ERCC6L2: variants seen among roughly 807,000 people sequenced by gnomAD.
ERCC6L2 encodes the protein ERCC excision repair 6 like 2.
A neutral mutation model predicts 132.0 loss-of-function variants in ERCC6L2; 77 were observed. The observed-to-expected ratio is 0.58, with a 90% CI of 0.49 to 0.71. The LOEUF (loss-of-function observed/expected upper bound fraction) is 0.71, where lower values mean the gene tolerates loss of function less well. Ranked by LOEUF, ERCC6L2 falls within the 30% of genes least tolerant of loss-of-function variation. The pLI, the probability that ERCC6L2 is intolerant of heterozygous loss-of-function variation, is 0.00. For synonymous variants in ERCC6L2, 583 were observed against 632.4 expected (o/e 0.92, Z 1.17); for missense variants, 1,542 against 1,837.6 (o/e 0.84, Z 2.94).
chr9:95,940,870 G>GGCTTTCTTTTTTGGAAAAGCCATGGAA (rs1196653098), intron 11 of ERCC6L2, among the ~76,000 whole-genome samples: 1 of 151,916 alleles, frequency 6.6e-6, no homozygotes, highest in Non-Finnish European at 1.5e-5. Context: ...CCTTCAGCTA[G>GGCTTTCTTTTTTGGAAAAGCCATGGAA]GCTTTCTTTT....
At chr9:95,999,937 G>A (rs553817557) in intron 17 of ERCC6L2, among the ~76,000 whole-genome samples, 63 of 150,816 alleles carry the variant, frequency 4.2e-4, no homozygotes, top group African/African-American at 1.5e-3. Context: ...TTGCCAGGCT[G>A]GAGTGCAGTG....
intron 2 of ERCC6L2, among the ~76,000 whole-genome samples, chr9:95,889,369 T>C (rs1204950147): frequency 2.0e-5 from 3 of 152,216 alleles, no homozygotes; most frequent in Admixed American, 2.0e-4. Flanking sequence ...TATTACCTCA[T>C]TTAAATTGTT....
In ERCC6L2 at chr9:95,989,775, A is replaced by G. The variant is rs73536537; in HGVS notation, c.3492+11560A>G. On this transcript the variant is annotated intron_variant, in intron 17 of 18. Coordinates refer to ENST00000653738, the MANE Select transcript of ERCC6L2 (RefSeq NM_020207.7). ...TTTGGTATGTTGTATGAGATGACAT[A>G]AAATCTTAAATCAAGGTGCATACCA... Among the ~76,000 whole-genome samples the G allele has an allele frequency of 2.9e-3, 438 of 152,342 alleles. 3 individuals are homozygous for G. Among genetic ancestry groups the G allele is most frequent in the African/African-American group, 0.01 (428 of 41,576 alleles).
chr9:96,030,119 G>A (rs1434781141), intron 19 of ERCC6L2, among the ~76,000 whole-genome samples: 1 of 152,182 alleles, frequency 6.6e-6, no homozygotes, highest in African/African-American at 2.4e-5. Flanking sequence ...AGTTAGGATT[G>A]TAAAACGCAC....
At chr9:95,877,798 T>C (rs1258948475) in intron 1 of ERCC6L2, among the ~76,000 whole-genome samples, 1 of 151,176 alleles carries the variant, frequency 6.6e-6, no homozygotes, top group Non-Finnish European at 1.5e-5. Context: ...AGAGACACTC[T>C]TGTCTAAAAA....
intron 12 of ERCC6L2, among the ~76,000 whole-genome samples, chr9:95,949,048 A>G (rs1314622788): frequency 6.6e-6 from 1 of 151,146 alleles, no homozygotes; most frequent in Non-Finnish European, 1.5e-5. Flanking sequence ...AGAAAAAAAG[A>G]GAGAGAACCA....
At chr9:95,933,086 T>C (rs1830410324) in intron 11 of ERCC6L2, among the ~76,000 whole-genome samples, 1 of 152,180 alleles carries the variant, frequency 6.6e-6, no homozygotes, top group South Asian at 2.1e-4. Flanking sequence ...CAGAATCTCT[T>C]GGAAGATTGC....
At chr9:95,896,174 C>T (rs1828448860) in intron 2 of ERCC6L2, among the ~76,000 whole-genome samples, 1 of 152,074 alleles carries the variant, frequency 6.6e-6, no homozygotes, top group African/African-American at 2.4e-5. Flanking sequence ...TACCTGAAAA[C>T]ATTCTTTAGT....
intron 11 of ERCC6L2, among the ~76,000 whole-genome samples, chr9:95,931,223 C>T (rs1830324629): frequency 1.3e-5 from 2 of 151,950 alleles, no homozygotes; most frequent in African/African-American, 4.8e-5. Context: ...CGGTCTTTTC[C>T]CCCTCTCAGT....
At chr9:95,949,562 G>C (rs1362581454) in intron 12 of ERCC6L2, among the ~76,000 whole-genome samples, 1 of 149,378 alleles carries the variant, frequency 6.7e-6, no homozygotes, top group East Asian at 2.0e-4. Context: ...TGTATTGGGG[G>C]AAAAAAAAAC....
chr9:95,999,309 C>T lies in ERCC6L2; in HGVS notation c.3493-5211C>T, dbSNP rs1321277643. Among the ~76,000 whole-genome samples, 7 of 151,554 alleles carry T rather than the reference C, an allele frequency of 4.6e-5. No individual in the cohort carries two copies. In the East Asian group the frequency reaches 5.8e-4, roughly 13 times the overall value. ...CCAGGAGGCGGAGCTTGCAGTGAGC[C>T]GAGATCACGCCGCTGCACTCCAGCC... On this transcript the variant is annotated intron_variant, in intron 17 of 18. Coordinates refer to ENST00000653738, the MANE Select transcript of ERCC6L2 (RefSeq NM_020207.7).
At position 95,908,141 on chromosome 9, in the gene ERCC6L2, T is replaced by C. The variant is rs192978966; in HGVS notation, c.788+870T>C. On this transcript the variant is annotated intron_variant, in intron 4 of 18. Coordinates refer to ENST00000653738, the MANE Select transcript of ERCC6L2 (RefSeq NM_020207.7). ...GAAGGACCAATTAAGAGGCTTGTTA[T>C]GTGCTGAATTGTGTCGCTTCTCCTC... Among the ~76,000 whole-genome samples the C allele has an allele frequency of 3.5e-4, 54 of 152,282 alleles. 1 individual carries two copies. Among genetic ancestry groups the C allele is most frequent in the Admixed American group, 3.3e-4 (5 of 15,282 alleles).
At chr9:96,020,764 G>A (rs1210745339), downstream of ERCC6L2, 3 of 456,778 alleles carry the variant, frequency 6.6e-6, no homozygotes, top group African/African-American at 4.0e-5. Context: ...AAACTGTGGG[G>A]ATGGGGAGTG....
chr9:95,915,687 A>C lies in ERCC6L2; in HGVS notation c.808A>C (p.Ile270Leu). Reference protein sequence around the residue: ...ELNSLEWSAVIVDEAHRIKNP... With the variant: ...ELNSLEWSAVLVDEAHRIKNP... ...TTATAGTTTGGAATGGTCAGCTGTCATTGTGGATGAAGCTCATAGAATCAA... is the reference window on the plus strand; with the variant it reads ...TTATAGTTTGGAATGGTCAGCTGTCCTTGTGGATGAAGCTCATAGAATCAA... Residue 270 changes from isoleucine (I) to leucine (L), a missense_variant, in exon 5 of 19, where the codon ATT becomes CTT. Ile to Leu is a conservative substitution (Grantham distance 5). Transcript: ENST00000653738. 1 of 1,613,060 alleles carries C rather than the reference A, an allele frequency of 6.2e-7. No individual in the cohort carries two copies. The highest frequency in any genetic ancestry group is 8.5e-7 in the Non-Finnish European group (1 of 1,179,564).
rs779037122 is a variant in ERCC6L2, at chr9:96,012,314, G to A, written c.3764G>A (p.Arg1255Gln). ...KHITNATSEERQKMLRDFYAS... is the reference protein window; with the variant it reads ...KHITNATSEEQQKMLRDFYAS... Reference sequence around the variant, plus strand: ...ATAACCAATGCCACATCAGAAGAACGACAGAAAATGCTAAGAGACTTTTAT... The same window carrying A: ...ATAACCAATGCCACATCAGAAGAACAACAGAAAATGCTAAGAGACTTTTAT... Residue 1255 changes from arginine (R) to glutamine (Q), a missense_variant, in exon 19 of 19, where the codon CGA (arginine) becomes CAA (glutamine). Coordinates refer to ENST00000653738, the MANE Select transcript of ERCC6L2 (RefSeq NM_020207.7). The A allele has an allele frequency of 1.2e-5, 16 of 1,355,054 alleles. No homozygotes were observed. Among genetic ancestry groups the A allele is most frequent in the Admixed American group, 7.7e-5 (4 of 52,134 alleles). 83.9% of individuals were successfully genotyped at this position (1,355,054 alleles called of 1,614,324 possible).
intron 16 of ERCC6L2, among the ~76,000 whole-genome samples, chr9:95,976,306 A>T (rs937400235): frequency 2.0e-5 from 3 of 151,570 alleles, no homozygotes; most frequent in East Asian, 3.9e-4. Context: ...TTTCCTCTTT[A>T]TTGGGCCCTG....
At chr9:96,038,002 G>A (rs1056552699) in intron 19 of ERCC6L2, among the ~76,000 whole-genome samples, 3 of 152,048 alleles carry the variant, frequency 2.0e-5, no homozygotes, top group Non-Finnish European at 2.9e-5. Flanking sequence ...CAGGAAGGTA[G>A]AGGCTGGATT....
At chr9:95,900,655 C>T (rs950825416) in intron 3 of ERCC6L2, among the ~76,000 whole-genome samples, 2 of 152,034 alleles carry the variant, frequency 1.3e-5, no homozygotes, top group African/African-American at 4.8e-5. Context: ...GTGATTACAT[C>T]CATGGATCAG....
chr9:95,972,406 T>C lies in ERCC6L2; in HGVS notation c.2655T>C (p.Asn885=). 1 of 1,274,102 alleles carries C rather than the reference T, an allele frequency of 7.8e-7. No homozygotes were observed. The highest frequency in any genetic ancestry group is 1.0e-6 in the Non-Finnish European group (1 of 984,102). 78.9% of individuals were successfully genotyped at this position (1,274,102 alleles called of 1,614,324 possible). A position where few individuals can be genotyped will look rare whatever the true frequency, so the allele number is the denominator to read the frequency against. Reference sequence around the variant, plus strand: ...AGTCTGACGAGAAAAAAATTAAAAATACAGATAAACATTGCATTTTACAGA... The same window carrying C: ...AGTCTGACGAGAAAAAAATTAAAAACACAGATAAACATTGCATTTTACAGA... ...SSKSDEKKIK[N]TDKHCILQNV... The change falls in exon 16 of 19, where the codon AAT becomes AAC. Residue 885 remains asparagine (N), a synonymous_variant. Coordinates refer to ENST00000653738, the MANE Select transcript of ERCC6L2 (RefSeq NM_020207.7).
Sources: allele counts gnomAD v4.1 joint callset (sites outside exome capture counted in the v4.1 genomes callset), GRCh38; gene constraint gnomAD v4.1.1; transcripts MANE v1.5; gene names NCBI Gene and HGNC (gene_info 2026-07-23, HGNC 2026-07-21).